The following ZNF500 variants were observed in gnomAD, a reference collection of about 807,000 sequenced individuals.
The protein encoded by ZNF500 is zinc finger protein with KRAB and SCAN domains 18.
A neutral mutation model predicts 30.1 loss-of-function variants in ZNF500; 31 were observed. The observed-to-expected ratio is 1.03, with a 90% CI of 0.77 to 1.39. The LOEUF (loss-of-function observed/expected upper bound fraction) is 1.39. Ranked by LOEUF, ZNF500 falls within the 40% of genes most tolerant of loss-of-function variation. ZNF500 has a pLI of 0.00. For missense variants in ZNF500, 817 were observed against 657.8 expected (o/e 1.24, Z -2.65); for synonymous variants, 392 against 282.0 (o/e 1.39, Z -3.91).
intron 2 of ZNF500, chr16:4,763,996 C>A: frequency 2.0e-6 from 2 of 985,326 alleles, no homozygotes; most frequent in East Asian, 1.1e-4. Flanking sequence ...CAGCAGGTGG[C>A]AGGACTTCTT....
chr16:4,766,016 G>A lies in ZNF500; in HGVS notation c.-38C>T. The A allele has an allele frequency of 1.3e-6, 2 of 1,514,804 alleles. No homozygotes were observed. The highest frequency in any genetic ancestry group is 1.3e-5 in the South Asian group (1 of 75,836). The allele number at this position is 1,514,804 out of a possible 1,614,324, so 93.8% of individuals were successfully genotyped here. A position where few individuals can be genotyped will look rare whatever the true frequency, so the allele number is the denominator to read the frequency against. On this transcript the variant is annotated 5_prime_UTR_variant, in exon 2 of 6. Coordinates refer to ENST00000219478, the MANE Select transcript of ZNF500 (RefSeq NM_021646.4). ...GCCTTGTTCCTTTTCAGGCCTTAGA[G>A]TTGAACCTGTCTCTCTCTATACCTC...
intron 5 of ZNF500, among the ~76,000 whole-genome samples, chr16:4,754,340 A>G (rs2082114644): frequency 6.6e-6 from 1 of 152,046 alleles, no homozygotes; most frequent in South Asian, 2.1e-4. Context: ...TTTGGCACGT[A>G]CTGAGCCTCA....
Position 4,752,395 on chromosome 16 carries a change from C to A in ZNF500, c.1424G>T (p.Gly475Val), listed in dbSNP as rs1461109051. The change falls in exon 6 of 6, where the codon GGC becomes GTC. Residue 475 changes from glycine (G) to valine (V), a missense_variant. Gly to Val is a moderately radical substitution (Grantham distance 109, BLOSUM62 -3). Transcript: ENST00000219478. ...LPTLQPVAPG[G>V]PGAKA ...TGGTGATCAGGCTTTGGCACCGGGGCCTCCAGGAGCCACCGGCTGGAGCGT... is the reference window on the plus strand; with the variant it reads ...TGGTGATCAGGCTTTGGCACCGGGGACTCCAGGAGCCACCGGCTGGAGCGT... 4 of 1,508,538 alleles carry A rather than the reference C, an allele frequency of 2.7e-6. No homozygotes were observed. Among genetic ancestry groups the A allele is most frequent in the Admixed American group, 2.2e-5 (1 of 45,380 alleles). 93.4% of individuals were successfully genotyped at this position (1,508,538 alleles called of 1,614,324 possible). A position where few individuals can be genotyped will look rare whatever the true frequency, so the allele number is the denominator to read the frequency against.
chr16:4,745,811 G>A (rs1195552463), downstream of ZNF500, among the ~76,000 whole-genome samples: 1 of 152,106 alleles, frequency 6.6e-6, no homozygotes, highest in East Asian at 1.9e-4. Flanking sequence ...AAATTTTCCA[G>A]GCATGTTGGT....
Position 4,762,295 on chromosome 16 carries a change from C to G in ZNF500, c.639G>C (p.Ser213=). The change falls in exon 4 of 6, where the codon TCG becomes TCC. Residue 213 remains serine, a synonymous_variant. Transcript: ENST00000219478. Reference sequence around the variant, plus strand: ...CCTGGGACCAGGCCGAAAGGAAGGGCGAGGCTGACGCCATCTCCTGATGCC... The same window carrying G: ...CCTGGGACCAGGCCGAAAGGAAGGGGGAGGCTGACGCCATCTCCTGATGCC... ...APRHQEMASA[S]PFLSAWSQVP... is the part of the protein sequence containing the mutation. 1 of 1,611,194 alleles carries G rather than the reference C, an allele frequency of 6.2e-7. No homozygotes were observed. The highest frequency in any genetic ancestry group is 2.2e-5 in the East Asian group (1 of 44,706).
chr16:4,759,868 A>G (rs1469535161), intron 5 of ZNF500, among the ~76,000 whole-genome samples: 2 of 152,194 alleles, frequency 1.3e-5, no homozygotes, highest in East Asian at 3.9e-4. Flanking sequence ...GATGAAACCC[A>G]TCTCTACTAA....
intron 2 of ZNF500, chr16:4,763,661 A>G: frequency 2.0e-6 from 2 of 985,402 alleles, no homozygotes; most frequent in Non-Finnish European, 2.4e-6. Flanking sequence ...CTCTCAGCTC[A>G]GTGATGGCCA....
At chr16:4,744,865 C>T, downstream of ZNF500, 1 of 1,611,180 alleles carries the variant, frequency 6.2e-7, no homozygotes, top group Non-Finnish European at 8.5e-7. Context: ...TTTGGCCATC[C>T]TCAGACCGCA....
chr16:4,752,705 G>A lies in ZNF500; in HGVS notation c.1114C>T (p.Gln372Ter). 6.2e-7 allele frequency: 1 copy of A among 1,614,194 alleles called. No individual in the cohort carries two copies. Among genetic ancestry groups the A allele is most frequent in the Non-Finnish European group, 8.5e-7 (1 of 1,180,032 alleles). ...GGCTTCTCGCCTGTGTGCACCCTCT[G>A]GTGCGTGCTGAAGTTGGAGCGGTCG... ...FSDRSNFSTH[Q>*]RVHTGEKPYP... is the part of the protein sequence containing the mutation. Residue 372 changes from glutamine to a stop codon, truncating the protein, a stop_gained, in exon 6 of 6, where the codon CAG becomes TAG. Transcript: ENST00000219478. LOFTEE classifies it low-confidence loss of function (END_TRUNC).
rs773380935 is a variant in ZNF500 at position 4,752,379 on chromosome 16, G to A, written c.1440C>T (p.Ala480=). The change falls in exon 6 of 6, where the codon GCC becomes GCT. Residue 480 remains alanine (A), a synonymous_variant. Coordinates refer to ENST00000219478, the MANE Select transcript of ZNF500 (RefSeq NM_021646.4). ...PVAPGGPGAK[A] ...AAGGGAGTTTCAGGCCTGGTGATCA[G>A]GCTTTGGCACCGGGGCCTCCAGGAG... 2.7e-6 allele frequency: 4 copies of A among 1,494,858 alleles called. No homozygotes were observed. Among genetic ancestry groups the A allele is most frequent in the Non-Finnish European group, 3.6e-6 (4 of 1,125,288 alleles). The allele number at this position is 1,494,858 out of a possible 1,614,324, so 92.6% of individuals were successfully genotyped here.
At chr16:4,758,026 C>A (rs1444612592) in intron 5 of ZNF500, among the ~76,000 whole-genome samples, 1 of 151,572 alleles carries the variant, frequency 6.6e-6, no homozygotes, top group Non-Finnish European at 1.5e-5. Context: ...CTCAGCCTCC[C>A]AAGTAGCTGG....
downstream of ZNF500, chr16:4,747,704 G>C: frequency 6.8e-7 from 1 of 1,467,474 alleles, no homozygotes; most frequent in Non-Finnish European, 9.1e-7. Flanking sequence ...GTGTCCCCTT[G>C]TTGTTCCTGC....
At chr16:4,763,650 C>T (rs561210367) in intron 2 of ZNF500, 27 of 985,280 alleles carry the variant, frequency 2.7e-5, no homozygotes, top group South Asian at 2.3e-4. Context: ...ACAGCCTGCC[C>T]CTCTCAGCTC....
chr16:4,759,837 GA>G (rs2082177690), intron 5 of ZNF500, among the ~76,000 whole-genome samples: 1 of 152,220 alleles, frequency 6.6e-6, no homozygotes, highest in African/African-American at 2.4e-5. Context: ...AGGACTTCGA[GA>G]CCAGCCTGGC....
rs1175925453 is a variant in ZNF500 at position 4,751,621 on chromosome 16, C to G, written c.*755G>C. On this transcript the variant is annotated 3_prime_UTR_variant, in exon 6 of 6. Coordinates refer to ENST00000219478, the MANE Select transcript of ZNF500 (RefSeq NM_021646.4). ...GGGCTCCCTGCAGCAGACGAGGGGT[C>G]CCTCAAATTCATGTGCACCCAGACC... 1 of 1,535,302 alleles carries G rather than the reference C, an allele frequency of 6.5e-7. No homozygotes were observed. Among genetic ancestry groups the G allele is most frequent in the Admixed American group, 2.0e-5 (1 of 50,980 alleles).
rs2082218961 is a variant in ZNF500, at chr16:4,762,646, T to C, written c.525A>G (p.Arg175=). The change falls in exon 3 of 6, where the codon CGA becomes CGG. Residue 175 remains arginine (R), a synonymous_variant. Transcript: ENST00000219478. ...GGGCTGGGGGCTGCTGGCTGGAGAA[T>C]CGAGCCTCTTCCTCCAGGGACAGAT... The part of the protein sequence containing the change: ...PEDLSLEEEA[R]FSSQQPPAQL... 5 of 1,614,104 alleles carry C rather than the reference T, an allele frequency of 3.1e-6. No individual in the cohort carries two copies. The highest frequency in any genetic ancestry group is 4.2e-6 in the Non-Finnish European group (5 of 1,180,000).
chr16:4,746,884 A>G, downstream of ZNF500: 3 of 1,480,522 alleles, frequency 2.0e-6, no homozygotes, highest in South Asian at 2.6e-5. Context: ...TTGGAACACC[A>G]GGTGGAGTGG....
rs963884925 is a variant in ZNF500 at position 4,752,895 on chromosome 16, T to A, written c.924A>T (p.Arg308Ser). 7 of 1,613,910 alleles carry A rather than the reference T, an allele frequency of 4.3e-6. No individual in the cohort carries two copies. The African/African-American group carries it at 9.3e-5, about 22-fold the overall frequency. Reference protein sequence around the residue: ...VRGLVRPDQPRGGPPPGRRAS... With the variant: ...VRGLVRPDQPSGGPPPGRRAS... Reference sequence around the variant, plus strand: ...CCCGTCTTCCTGGTGGGGGGCCGCCTCTTGGCTGATCAGGCCTGACCAAGC... The same window carrying A: ...CCCGTCTTCCTGGTGGGGGGCCGCCACTTGGCTGATCAGGCCTGACCAAGC... Residue 308 changes from arginine to serine, a missense_variant, in exon 6 of 6, where the codon AGA becomes AGT. Physicochemically the swap from Arg to Ser is moderately radical, Grantham distance 110. Transcript: ENST00000219478.
At chr16:4,747,811 G>A (rs1418230835), downstream of ZNF500, among the ~76,000 whole-genome samples, 1 of 152,198 alleles carries the variant, frequency 6.6e-6, no homozygotes, top group Non-Finnish European at 1.5e-5. Flanking sequence ...TGAACTTAGA[G>A]GAAGGATGCA....
Sources: allele counts gnomAD v4.1 joint callset (sites outside exome capture counted in the v4.1 genomes callset), GRCh38; gene constraint gnomAD v4.1.1; transcripts MANE v1.5; gene names NCBI Gene and HGNC (gene_info 2026-07-23, HGNC 2026-07-21).